Variants in RBFOX1 observed in about 807,000 individuals in gnomAD.
RBFOX1 encodes RNA binding fox-1 homolog 1.
RBFOX1 carries 8 observed loss-of-function variants against 57.7 expected under a neutral mutation model. The observed-to-expected ratio is 0.14, with a 90% CI of 0.08 to 0.25. RBFOX1 has a LOEUF of 0.25. Ranked by LOEUF, RBFOX1 falls within the 10% of genes least tolerant of loss-of-function variation. The pLI, the probability that RBFOX1 is intolerant of heterozygous loss-of-function variation, is 1.00. For synonymous variants in RBFOX1, 326 were observed against 222.4 expected (o/e 1.47, Z -4.15); for missense variants, 611 against 548.5 (o/e 1.11, Z -1.14).
At chr16:6,085,366 G>A (rs537451037) in intron 1 of RBFOX1, among the ~76,000 whole-genome samples, 13 of 152,296 alleles carry the variant, frequency 8.5e-5, no homozygotes, top group East Asian at 3.9e-4. Flanking sequence ...TCTGCCTAGC[G>A]GGTTCAAGCG....
At chr16:7,235,103 C>A (rs902503942) in intron 4 of RBFOX1, among the ~76,000 whole-genome samples, 21 of 151,870 alleles carry the variant, frequency 1.4e-4, no homozygotes, top group African/African-American at 5.1e-4. Flanking sequence ...AGAAAAAGTT[C>A]TTTAAGAGGT....
chr16:7,158,677 T>C (rs1209017270), intron 4 of RBFOX1, among the ~76,000 whole-genome samples: 3 of 144,406 alleles, frequency 2.1e-5, no homozygotes, highest in Non-Finnish European at 3.1e-5. Flanking sequence ...CACGTATGTG[T>C]GTATGGTGTG....
chr16:6,351,725 T>C (rs1016488147), intron 2 of RBFOX1, among the ~76,000 whole-genome samples: 2 of 152,202 alleles, frequency 1.3e-5, no homozygotes, highest in East Asian at 3.8e-4. Context: ...TGTGTAATTA[T>C]ATGTATGCAT....
intron 2 of RBFOX1, among the ~76,000 whole-genome samples, chr16:6,628,855 C>A (rs943457180): frequency 2.8e-4 from 42 of 147,586 alleles, no homozygotes; most frequent in South Asian, 4.8e-4. Flanking sequence ...ATGGTGAAAC[C>A]CCGTGTCTAC....
At chr16:7,449,269 G>A (rs557180115) in intron 4 of RBFOX1, among the ~76,000 whole-genome samples, 2 of 151,972 alleles carry the variant, frequency 1.3e-5, no homozygotes, top group African/African-American at 4.8e-5. Context: ...AGTTCTAGGT[G>A]GACATTTTTA....
chr16:7,366,080 A>G (rs2097439609), intron 4 of RBFOX1, among the ~76,000 whole-genome samples: 1 of 152,180 alleles, frequency 6.6e-6, no homozygotes, highest in South Asian at 2.1e-4. Flanking sequence ...TCACTGAGCC[A>G]ATCAGCTATG....
At chr16:5,578,844 C>CTT (rs57387602) in intron 2 of RBFOX1, among the ~76,000 whole-genome samples, 11 of 109,080 alleles carry the variant, frequency 1.0e-4, no homozygotes, top group African/African-American at 3.1e-4. Flanking sequence ...CACACACACC[C>CTT]TTTTTTTTTT....
At chr16:5,287,220 C>A (rs1466860829) in intron 1 of RBFOX1, among the ~76,000 whole-genome samples, 1 of 152,050 alleles carries the variant, frequency 6.6e-6, no homozygotes, top group Non-Finnish European at 1.5e-5. Flanking sequence ...GGGAAGATCA[C>A]TTGAGCCCAG....
chr16:6,993,924 A>G (rs1415025694), intron 3 of RBFOX1, among the ~76,000 whole-genome samples: 1 of 152,200 alleles, frequency 6.6e-6, no homozygotes, highest in African/African-American at 2.4e-5. Flanking sequence ...ATTGTAGCCA[A>G]TAAGTGCCTA....
chr16:5,944,184 G>A (rs1231379686), intron 4 of RBFOX1, among the ~76,000 whole-genome samples: 1 of 152,216 alleles, frequency 6.6e-6, no homozygotes, highest in Non-Finnish European at 1.5e-5. Flanking sequence ...CCTCAACGAT[G>A]TGTGAACAAT....
At chr16:6,760,878 A>G (rs1567140517) in intron 3 of RBFOX1, among the ~76,000 whole-genome samples, 1 of 152,160 alleles carries the variant, frequency 6.6e-6, no homozygotes, top group Admixed American at 6.5e-5. Context: ...GCCACCCACC[A>G]GAATTGGACT....
At chr16:7,264,665 G>A (rs535898890) in intron 4 of RBFOX1, among the ~76,000 whole-genome samples, 1 of 152,060 alleles carries the variant, frequency 6.6e-6, no homozygotes, top group Non-Finnish European at 1.5e-5. Context: ...TAATTTTCAG[G>A]TGTCATGCAA....
chr16:7,573,267 G>A (rs1326892460), intron 5 of RBFOX1, among the ~76,000 whole-genome samples: 1 of 152,226 alleles, frequency 6.6e-6, no homozygotes, highest in East Asian at 1.9e-4. Flanking sequence ...AGGCCAACAA[G>A]CGACAATGGG....
intron 4 of RBFOX1, among the ~76,000 whole-genome samples, chr16:5,899,760 A>G (rs1597699843): frequency 2.0e-5 from 3 of 152,204 alleles, no homozygotes; most frequent in South Asian, 2.1e-4. Context: ...CTGAATGGGC[A>G]TGCTGAAAGC....
intron 3 of RBFOX1, among the ~76,000 whole-genome samples, chr16:6,899,292 C>T (rs73529619): frequency 0.08 from 12,112 of 152,084 alleles, 1,620 homozygotes; most frequent in African/African-American, 0.27. Flanking sequence ...GTGTATAATA[C>T]ATATGTGTAT....
At chr16:5,429,167 T>A (rs556079) in intron 1 of RBFOX1, among the ~76,000 whole-genome samples, 3 of 151,862 alleles carry the variant, frequency 2.0e-5, no homozygotes, top group South Asian at 2.1e-4. Flanking sequence ...CTCTGTTAAG[T>A]CCCTTCCAGC....
chr16:5,543,320 A>G (rs950075403), intron 2 of RBFOX1, among the ~76,000 whole-genome samples: 8 of 152,210 alleles, frequency 5.3e-5, no homozygotes, highest in South Asian at 4.1e-4. Flanking sequence ...AAAATTAAAC[A>G]GAAACATGGA....
chr16:7,315,647 A>AATATAT (rs5815396), intron 4 of RBFOX1, among the ~76,000 whole-genome samples: 3 of 148,800 alleles, frequency 2.0e-5, no homozygotes, highest in Admixed American at 6.7e-5. Flanking sequence ...TGGAGAACAG[A>AATATAT]ATATATATAT....
chr16:6,771,642 A>G (rs2154212708), intron 3 of RBFOX1, among the ~76,000 whole-genome samples: 1 of 152,332 alleles, frequency 6.6e-6, no homozygotes, highest in Admixed American at 6.5e-5. Flanking sequence ...TTTGCTCCTC[A>G]GGAGACATTT....
Sources: gnomAD v4.1 joint callset for allele counts (sites outside exome capture counted in the v4.1 genomes callset) on GRCh38, gnomAD v4.1.1 for gene constraint, MANE v1.5 for transcripts, NCBI Gene and HGNC (gene_info 2026-07-23, HGNC 2026-07-21) for gene names.